Variants in XXYLT1 observed in about 807,000 individuals in gnomAD.
The protein encoded by XXYLT1 is xyloside xylosyltransferase 1, also known as UDP-xylose:alpha-xyloside alpha-1,3-xylosyltransferase.
XXYLT1 carries 20 observed loss-of-function variants against 28.9 expected under a neutral mutation model. The ratio of observed to expected loss-of-function variants is 0.69; its 90% CI spans 0.49 to 1.00. XXYLT1 has a LOEUF of 1.00. Among genes scored for constraint, XXYLT1 ranks in the 50% least tolerant of loss-of-function variants. The probability of loss-of-function intolerance (pLI) is 0.00; values close to 1 mark genes in which losing one functional copy is unlikely to be tolerated. For missense variants in XXYLT1, 542 were observed against 560.1 expected (o/e 0.97, Z 0.33); for synonymous variants, 257 against 253.8 (o/e 1.01, Z -0.12).
At chr3:195,184,176 A>AC (rs1420598371) in intron 2 of XXYLT1, among the ~76,000 whole-genome samples, 2 of 152,184 alleles carry the variant, frequency 1.3e-5, no homozygotes, top group Admixed American at 1.3e-4. Context: ...CACAAAGACC[A>AC]CCCGTGTAAG....
At chr3:195,235,550 T>C (rs1201776726) in intron 1 of XXYLT1, among the ~76,000 whole-genome samples, 5 of 152,202 alleles carry the variant, frequency 3.3e-5, no homozygotes, top group Non-Finnish European at 7.3e-5. Flanking sequence ...GAGGTCCTAT[T>C]TTCCTGGATG....
Position 195,270,813 on chromosome 3 carries a change from G to C in XXYLT1, c.246C>G (p.Pro82=), listed in dbSNP as rs773414100. The C allele has an allele frequency of 2.5e-5, 37 of 1,495,256 alleles. No individual in the cohort carries two copies. The highest frequency in any genetic ancestry group is 3.1e-5 in the Non-Finnish European group (35 of 1,124,642). The allele number at this position is 1,495,256 out of a possible 1,614,324, so 92.6% of individuals were successfully genotyped here. ...CCTCCAAGCTCTTGGCCTTCGCGCC[G>C]GGGGCTGGCGCCACGGAGCCCCGCG... ...ELARGSVAPA[P]GAKAKSLEGG... is the part of the protein sequence containing the mutation. Residue 82 remains proline (P), a synonymous_variant, in exon 1 of 4, where the codon CCC becomes CCG. Transcript: ENST00000310380.
rs1477473599 is a variant in XXYLT1, at chr3:195,270,718, A to G, written c.341T>C (p.Leu114Pro). Residue 114 changes from leucine (L) to proline (P), a missense_variant, in exon 1 of 4, where the codon CTG becomes CCG. By Grantham distance (98) the Leu-to-Pro change is moderately conservative. Coordinates refer to ENST00000310380, the MANE Select transcript of XXYLT1 (RefSeq NM_152531.5). Reference protein sequence around the residue: ...MFTKAEHNAALQAKARVALRS... With the variant: ...MFTKAEHNAAPQAKARVALRS... ...CAGCGCGACGCGGGCCTTGGCCTGCAGCGCGGCATTGTGCTCCGCCTTGGT... is the reference window on the plus strand; with the variant it reads ...CAGCGCGACGCGGGCCTTGGCCTGCGGCGCGGCATTGTGCTCCGCCTTGGT... 4 of 1,590,762 alleles carry G rather than the reference A, an allele frequency of 2.5e-6. 1 individual carries two copies. The South Asian group carries it at 3.4e-5, about 13-fold the overall frequency.
At chr3:195,156,319 T>C in intron 3 of XXYLT1, 130 bp downstream of exon 3, 1 of 1,448,478 alleles carries the variant, frequency 6.9e-7, no homozygotes, top group South Asian at 1.3e-5. Flanking sequence ...TAAGTACCAA[T>C]GTGTTCCCAA....
intron 3 of XXYLT1, chr3:195,153,891 A>C (rs1374118232): frequency 6.6e-6 from 1 of 152,310 alleles, no homozygotes; most frequent in East Asian, 1.9e-4. Context: ...GCTCACCAGC[A>C]GACAGGCAAC....
chr3:195,119,127 A>G lies in XXYLT1; in HGVS notation c.785+37322T>C, dbSNP rs546605976. Among the ~76,000 whole-genome samples, 15 of 150,028 alleles carry G rather than the reference A, an allele frequency of 1.0e-4. No homozygotes were observed. In the East Asian group the frequency reaches 2.7e-3, roughly 27 times the overall value. ...CCTGTCTCTACTAAAAATACAAAAA[A>G]AAAAAAATTAGCTGGGTGTGGTGGC... On this transcript the variant is annotated intron_variant, in intron 3 of 3. Coordinates refer to ENST00000310380, the MANE Select transcript of XXYLT1 (RefSeq NM_152531.5).
rs1200733088 is a variant in XXYLT1 at position 195,262,005 on chromosome 3, G to A, written c.504+8550C>T. Among the ~76,000 whole-genome samples the A allele has an allele frequency of 1.5e-4, 23 of 152,352 alleles. 1 individual carries two copies. In the Middle Eastern group the frequency reaches 0.01, roughly 68 times the overall value. The stretch of plus-strand genomic sequence containing the variant: ...CATTCCACTGCTAGGTTATACCCCA[G>A]TGATGTGACAACATATGTCCACACA... On this transcript the variant is annotated intron_variant, in intron 1 of 3. Transcript: ENST00000310380.
chr3:195,238,491 A>G (rs1253104369), intron 1 of XXYLT1, among the ~76,000 whole-genome samples: 1 of 152,182 alleles, frequency 6.6e-6, no homozygotes, highest in Non-Finnish European at 1.5e-5. Flanking sequence ...TGTGCCCTGT[A>G]TCCAGCCACT....
At chr3:195,214,966 G>T (rs113138810) in intron 2 of XXYLT1, 1 of 151,608 alleles carries the variant, frequency 6.6e-6, no homozygotes, top group African/African-American at 2.4e-5. Flanking sequence ...GACTAACAGC[G>T]GATCTCTCGG....
At chr3:195,165,800 A>G (rs1203256010) in intron 2 of XXYLT1, among the ~76,000 whole-genome samples, 1 of 152,096 alleles carries the variant, frequency 6.6e-6, no homozygotes, top group Admixed American at 6.6e-5. Context: ...TGTTGATACT[A>G]TATCTTCTAA....
intron 3 of XXYLT1, among the ~76,000 whole-genome samples, chr3:195,099,275 T>C (rs1025681814): frequency 1.3e-5 from 2 of 151,962 alleles, no homozygotes; most frequent in African/African-American, 2.4e-5. Flanking sequence ...CTGGCGCAGG[T>C]GCGTGGACTC....
chr3:195,074,815 T>C (rs1489923765), intron 3 of XXYLT1, among the ~76,000 whole-genome samples: 1 of 152,166 alleles, frequency 6.6e-6, no homozygotes, highest in African/African-American at 2.4e-5. Context: ...ATCCTGGAGT[T>C]GTAGGACCAC....
chr3:195,113,225 C>T (rs916636750), intron 3 of XXYLT1, among the ~76,000 whole-genome samples: 2 of 152,224 alleles, frequency 1.3e-5, no homozygotes, highest in African/African-American at 4.8e-5. Flanking sequence ...ACATCTCCCA[C>T]TGATTTCGCC....
intron 1 of XXYLT1, among the ~76,000 whole-genome samples, chr3:195,260,546 G>A (rs999243954): frequency 6.6e-6 from 1 of 152,242 alleles, no homozygotes; most frequent in African/African-American, 2.4e-5. Flanking sequence ...CGTCCCGGGC[G>A]AGGCACATCC....
chr3:195,261,395 C>G (rs1328008869), intron 1 of XXYLT1, among the ~76,000 whole-genome samples: 1 of 152,144 alleles, frequency 6.6e-6, no homozygotes. Flanking sequence ...AAGCTGAGAA[C>G]ACACCACTGC....
intron 3 of XXYLT1, among the ~76,000 whole-genome samples, chr3:195,149,181 T>A (rs1188620178): frequency 2.0e-5 from 3 of 152,128 alleles, no homozygotes; most frequent in Non-Finnish European, 4.4e-5. Flanking sequence ...AAAAAAGATG[T>A]ACAAAGGTAT....
Position 195,209,010 on chromosome 3 carries a change from G to A in XXYLT1, c.652+17699C>T, listed in dbSNP as rs1723193965. On this transcript the variant is annotated intron_variant, in intron 2 of 3. Transcript: ENST00000310380. The surrounding 1 kb of genome is among the most constrained non-coding windows in gnomAD (Gnocchi z 5.0). ...TGACAAACCTTATTATGTGATCAAT[G>A]ATGCTTTAAAAGAAAAAATACTGTA... is the stretch of plus-strand genomic sequence containing the variant. Among the ~76,000 whole-genome samples, 1 of 152,158 alleles carries A rather than the reference G, an allele frequency of 6.6e-6. No homozygotes were observed. The highest frequency in any genetic ancestry group is 6.5e-5 in the Admixed American group (1 of 15,282).
chr3:195,131,232 C>T (rs896637093), intron 3 of XXYLT1, among the ~76,000 whole-genome samples: 12 of 152,206 alleles, frequency 7.9e-5, no homozygotes, highest in Non-Finnish European at 1.5e-4. Context: ...ACTCAGAAGC[C>T]GAACCACCCT....
At chr3:195,079,298 G>T (rs1241328123) in intron 3 of XXYLT1, among the ~76,000 whole-genome samples, 1 of 152,178 alleles carries the variant, frequency 6.6e-6, no homozygotes, top group South Asian at 2.1e-4. Context: ...CAGGGAGCCA[G>T]ATGGCACCTA....
Sources: allele counts gnomAD v4.1 joint callset (sites outside exome capture counted in the v4.1 genomes callset), GRCh38; gene constraint gnomAD v4.1.1; non-coding constraint Gnocchi (gnomAD v3.1); transcripts MANE v1.5; gene names NCBI Gene and HGNC (gene_info 2026-07-23, HGNC 2026-07-21).